Variants in CNTN3 observed in about 807,000 individuals in gnomAD.
CNTN3 encodes contactin 3.
Under a neutral mutation model 119.1 loss-of-function variants are expected in CNTN3, and 60 were observed. The ratio of observed to expected loss-of-function variants is 0.50; its 90% confidence interval spans 0.41 to 0.62. The LOEUF is 0.62. CNTN3 is among the 20% of genes least tolerant of loss of function. The pLI, the probability that CNTN3 is intolerant of heterozygous loss-of-function variation, is 0.00. For synonymous variants in CNTN3, 450 were observed against 438.7 expected, an observed-to-expected ratio of 1.03 and a Z score of -0.32; for missense variants, 1,101 against 1,242.4, an observed-to-expected ratio of 0.89 and a Z score of 1.71.
chr3:74,425,020 T>C, intron 4 of CNTN3, 80 bp from the exon 5 acceptor site: 1 of 869,434 alleles, frequency 1.2e-6, no homozygotes, highest in Non-Finnish European at 1.8e-6. Context: ...TTCCTTTCTT[T>C]TAGAAAACAA....
At chr3:74,574,122 G>A (rs1453902292) in intron 1 of CNTN3, among the ~76,000 whole-genome samples, 1 of 152,084 alleles carries the variant, frequency 6.6e-6, no homozygotes, top group African/African-American at 2.4e-5. Flanking sequence ...CCATAAAAAG[G>A]AATAAACTAT....
At chr3:74,404,928 C>A (rs975370631) in intron 5 of CNTN3, among the ~76,000 whole-genome samples, 3 of 151,872 alleles carry the variant, frequency 2.0e-5, no homozygotes, top group African/African-American at 7.3e-5. Context: ...CCACTCTAGT[C>A]GAATCCATCA....
At chr3:74,552,966 T>C (rs1704014195) in intron 1 of CNTN3, among the ~76,000 whole-genome samples, 1 of 152,204 alleles carries the variant, frequency 6.6e-6, no homozygotes. Flanking sequence ...CTTTAAGTTA[T>C]GAGTTACATG....
chr3:74,320,158 C>T (rs867480207), intron 13 of CNTN3, among the ~76,000 whole-genome samples: 3 of 152,206 alleles, frequency 2.0e-5, no homozygotes, highest in Middle Eastern at 3.4e-3. Context: ...CCCAGCCATC[C>T]CATTACTGGG....
At chr3:74,558,827 C>CA (rs1246904735) in intron 1 of CNTN3, among the ~76,000 whole-genome samples, 3 of 151,506 alleles carry the variant, frequency 2.0e-5, no homozygotes, top group East Asian at 1.9e-4. Context: ...ACTAAAAATA[C>CA]AAAAAAATTA....
At chr3:74,530,769 C>T (rs560201440) in intron 1 of CNTN3, among the ~76,000 whole-genome samples, 1 of 151,984 alleles carries the variant, frequency 6.6e-6, no homozygotes, top group Non-Finnish European at 1.5e-5. Context: ...GCTAGGGTAT[C>T]TCTGGACTTG....
intron 1 of CNTN3, among the ~76,000 whole-genome samples, chr3:74,553,560 A>G (rs151272292): frequency 0.019 from 2,842 of 152,310 alleles, 45 homozygotes; most frequent in Non-Finnish European, 0.028. Context: ...CAACAGTGTA[A>G]AAGCATTCCA....
At chr3:74,415,737 G>T (rs141059994) in intron 5 of CNTN3, among the ~76,000 whole-genome samples, 1 of 152,130 alleles carries the variant, frequency 6.6e-6, no homozygotes, top group African/African-American at 2.4e-5. Context: ...GCAGTCTTTC[G>T]TCCTTAATCT....
chr3:74,614,076 T>C (rs1043650022), intron 1 of CNTN3, among the ~76,000 whole-genome samples: 1 of 152,026 alleles, frequency 6.6e-6, no homozygotes, highest in Non-Finnish European at 1.5e-5. Flanking sequence ...ACAACTTTTT[T>C]CCCCCAACTT....
chr3:74,503,010 G>C (rs1269706697), intron 2 of CNTN3, among the ~76,000 whole-genome samples: 1 of 152,094 alleles, frequency 6.6e-6, no homozygotes, highest in East Asian at 1.9e-4. Context: ...CTCTATATGA[G>C]GCAGATACTA....
intron 1 of CNTN3, among the ~76,000 whole-genome samples, chr3:74,581,031 T>A (rs1704496676): frequency 6.6e-6 from 1 of 152,164 alleles, no homozygotes; most frequent in East Asian, 1.9e-4. Flanking sequence ...ATGACTTCAT[T>A]CTTAATGGGG....
At chr3:74,384,520 A>G (rs1299644294) in intron 5 of CNTN3, among the ~76,000 whole-genome samples, 1 of 152,224 alleles carries the variant, frequency 6.6e-6, no homozygotes, top group Admixed American at 6.5e-5. Context: ...TCTCTTTCAA[A>G]TGGAGAAATA....
At chr3:74,272,573 G>C (rs1701799207) in intron 20 of CNTN3, among the ~76,000 whole-genome samples, 1 of 152,160 alleles carries the variant, frequency 6.6e-6, no homozygotes, top group African/African-American at 2.4e-5. Flanking sequence ...GGCTTGTATT[G>C]CATTATATGT....
chr3:74,496,244 A>G (rs1172152735), intron 3 of CNTN3, among the ~76,000 whole-genome samples: 1 of 152,132 alleles, frequency 6.6e-6, no homozygotes, highest in Non-Finnish European at 1.5e-5. Flanking sequence ...TTTGGTCTAC[A>G]TTATGTTTTA....
At chr3:74,552,092 C>A (rs1216724188) in intron 1 of CNTN3, among the ~76,000 whole-genome samples, 1 of 152,090 alleles carries the variant, frequency 6.6e-6, no homozygotes, top group Non-Finnish European at 1.5e-5. Flanking sequence ...TAGTACTAAG[C>A]ATTTAAGGTT....
chr3:74,445,893 C>T (rs376576091), intron 4 of CNTN3, among the ~76,000 whole-genome samples: 1 of 152,120 alleles, frequency 6.6e-6, no homozygotes, highest in African/African-American at 2.4e-5. Flanking sequence ...CCACGTAGGA[C>T]TTCACAGGTT....
At chr3:74,609,124 T>C (rs1216247545) in intron 1 of CNTN3, among the ~76,000 whole-genome samples, 2 of 152,144 alleles carry the variant, frequency 1.3e-5, no homozygotes, top group East Asian at 3.9e-4. Flanking sequence ...AGCAGGGCCA[T>C]GTTGAGTTTT....
chr3:74,560,352 T>G (rs1575829989), intron 1 of CNTN3, among the ~76,000 whole-genome samples: 1 of 152,154 alleles, frequency 6.6e-6, no homozygotes, highest in Non-Finnish European at 1.5e-5. Context: ...TAATCTCATA[T>G]CCACAGATGA....
chr3:74,604,628 T>C (rs985321123), intron 1 of CNTN3, among the ~76,000 whole-genome samples: 2 of 152,074 alleles, frequency 1.3e-5, no homozygotes, highest in Non-Finnish European at 2.9e-5. Flanking sequence ...TTACACTCAT[T>C]AGAACAGGTA....
Sources: gnomAD v4.1 joint callset for allele counts (sites outside exome capture counted in the v4.1 genomes callset) on GRCh38, gnomAD v4.1.1 for gene constraint, MANE v1.5 for transcripts, NCBI Gene and HGNC (gene_info 2026-07-23, HGNC 2026-07-21) for gene names.